OCA2: variants seen among roughly 807,000 people sequenced by gnomAD.
OCA2 encodes the protein OCA2 melanosomal transmembrane protein.
Under a neutral mutation model 100.2 loss-of-function variants are expected in OCA2, and 77 were observed. The ratio of observed to expected loss-of-function variants is 0.77; its 90% CI spans 0.64 to 0.93. OCA2 has a LOEUF of 0.93. Ranked by LOEUF, OCA2 falls within the 40% of genes least tolerant of loss-of-function variation. The probability of loss-of-function intolerance (pLI) is 0.00; values close to 1 mark genes in which losing one functional copy is unlikely to be tolerated. For synonymous variants in OCA2, 432 were observed against 439.2 expected (o/e 0.98, Z 0.21); for missense variants, 1,062 against 1,089.1 (o/e 0.98, Z 0.35).
intron 18 of OCA2, among the ~76,000 whole-genome samples, chr15:27,949,863 C>G (rs1313131899): frequency 6.6e-6 from 1 of 152,102 alleles, no homozygotes; most frequent in Non-Finnish European, 1.5e-5. Context: ...AACTTTTCTC[C>G]TAGTCAACCT....
chr15:27,958,041 G>T (rs1030506441), intron 15 of OCA2, among the ~76,000 whole-genome samples: 4 of 152,176 alleles, frequency 2.6e-5, no homozygotes, highest in Non-Finnish European at 5.9e-5. Flanking sequence ...TCACACACCA[G>T]GGCCTGTTGT....
At chr15:28,025,867 G>A (rs2042733305) in intron 4 of OCA2, among the ~76,000 whole-genome samples, 1 of 152,236 alleles carries the variant, frequency 6.6e-6, no homozygotes, top group African/African-American at 2.4e-5. Context: ...ACTTAGTTAA[G>A]TTGCATCTGT....
At position 28,044,818 on chromosome 15, in the gene OCA2, A is replaced by G. The variant is rs73377719; in HGVS notation, c.228-12655T>C. ...GTAACCTACTTTTTCTGATATTAAT[A>G]TAGACATCCCATTTTTCTTTGGACA... On this transcript the variant is annotated intron_variant, in intron 2 of 23. Coordinates refer to ENST00000354638, the MANE Select transcript of OCA2 (RefSeq NM_000275.3). 1.7e-3 allele frequency among the ~76,000 whole-genome samples: 256 copies of G among 152,324 alleles called. 1 individual carries two copies. Among genetic ancestry groups the G allele is most frequent in the African/African-American group, 5.8e-3 (240 of 41,574 alleles).
chr15:27,726,787 C>A, the OCA2 span, among the ~76,000 whole-genome samples: 5 of 152,336 alleles, frequency 3.3e-5, no homozygotes, highest in Admixed American at 2.0e-4. Flanking sequence ...AAGGTGAATC[C>A]AGCACTTGGC....
At chr15:28,016,259 G>A (rs1214708711) in intron 7 of OCA2, 73 bp from the exon 8 acceptor site, 1 of 1,141,770 alleles carries the variant, frequency 8.8e-7, no homozygotes, top group African/African-American at 1.5e-5. Flanking sequence ...GCACTGCTCG[G>A]TCTAGGTATT....
At chr15:27,725,433 T>C in the OCA2 span, among the ~76,000 whole-genome samples, 1 of 152,114 alleles carries the variant, frequency 6.6e-6, no homozygotes, top group African/African-American at 2.4e-5. Context: ...CTGAGCATGA[T>C]GGTGGGTGCC....
intron 23 of OCA2, among the ~76,000 whole-genome samples, chr15:27,790,130 G>C (rs1206231348): frequency 1.3e-5 from 2 of 150,108 alleles, no homozygotes; most frequent in Non-Finnish European, 2.9e-5. Context: ...GACCTTAACA[G>C]ACAGTTCACC....
At position 27,942,040 on chromosome 15, in the gene OCA2, C is replaced by T. The variant is rs541434720; in HGVS notation, c.1951+9744G>A. 3.3e-5 allele frequency among the ~76,000 whole-genome samples: 5 copies of T among 152,070 alleles called. No homozygotes were observed. The South Asian group carries it at 8.3e-4, about 25-fold the overall frequency. The stretch of plus-strand genomic sequence containing the variant: ...TGGTGAAAGTGTGGAGAAATCAGAA[C>T]GCTCATGCATTACCACCAGGAATGT... On this transcript the variant is annotated intron_variant, in intron 18 of 23. Transcript: ENST00000354638.
Position 27,794,426 on chromosome 15 carries a change from C to G in OCA2, c.2433-38954G>C, listed in dbSNP as rs867922585. 4.6e-5 allele frequency among the ~76,000 whole-genome samples: 7 copies of G among 152,274 alleles called. No homozygotes were observed. The South Asian group carries it at 6.2e-4, about 14-fold the overall frequency. Reference sequence around the variant, plus strand: ...GCAGATTTTTACATGTGGCCTCCCCCACTCTGTCAGGAAACAACTTCAAAT... The same window carrying G: ...GCAGATTTTTACATGTGGCCTCCCCGACTCTGTCAGGAAACAACTTCAAAT... On this transcript the variant is annotated intron_variant, in intron 23 of 23. Transcript: ENST00000354638.
At chr15:28,075,783 TA>T (rs1313621835) in intron 2 of OCA2, among the ~76,000 whole-genome samples, 1 of 152,180 alleles carries the variant, frequency 6.6e-6, no homozygotes, top group African/African-American at 2.4e-5. Flanking sequence ...TTATACAAAG[TA>T]AAAGAACCAA....
Position 28,014,862 on chromosome 15 carries a change from G to A in OCA2, c.958C>T (p.His320Tyr), listed in dbSNP as rs776265113. 4 of 1,614,040 alleles carry A rather than the reference G, an allele frequency of 2.5e-6. No individual in the cohort carries two copies. Among genetic ancestry groups the A allele is most frequent in the African/African-American group, 1.3e-5 (1 of 74,922 alleles). Residue 320 changes from histidine to tyrosine, a missense_variant, in exon 9 of 24, where the codon CAT becomes TAT. Transcript: ENST00000354638. The stretch of plus-strand genomic sequence containing the variant: ...TCTACACTTCCGCGGAGGTACTGAT[G>A]AGCCATCAAAAGAGGGACAGCCTGG... ...QTQAVPLLMA[H>Y]QYLRGSVETQ...
chr15:27,795,419 G>A (rs1487315425), intron 23 of OCA2, among the ~76,000 whole-genome samples: 4 of 151,466 alleles, frequency 2.6e-5, no homozygotes, highest in Non-Finnish European at 5.9e-5. Context: ...TGGCACCGCT[G>A]TTGACCCAGT....
intron 19 of OCA2, among the ~76,000 whole-genome samples, chr15:27,915,583 A>G (rs893124263): frequency 1.3e-5 from 2 of 151,410 alleles, no homozygotes; most frequent in Non-Finnish European, 2.9e-5. Flanking sequence ...AGACATACAC[A>G]TGGCCAACAA....
intron 9 of OCA2, among the ~76,000 whole-genome samples, chr15:27,995,129 G>A (rs1566773214): frequency 6.6e-6 from 1 of 152,148 alleles, no homozygotes; most frequent in Non-Finnish European, 1.5e-5. Context: ...ATGCACAGCA[G>A]TATTAACAGA....
chr15:27,772,491 T>C lies in OCA2; in HGVS notation c.2433-17019A>G, dbSNP rs2031939061. Among the ~76,000 whole-genome samples, 3 of 152,294 alleles carry C rather than the reference T, an allele frequency of 2.0e-5. No individual in the cohort carries two copies. The South Asian group carries it at 6.2e-4, about 32-fold the overall frequency. ...TTGAGATTATCTTCCTGGCTTAATA[T>C]ATGATGAATTTTGTAGCTGTTTTGT... On this transcript the variant is annotated intron_variant, in intron 23 of 23. Transcript: ENST00000354638.
intron 4 of OCA2, among the ~76,000 whole-genome samples, chr15:28,026,399 G>T (rs1309091342): frequency 1.3e-5 from 2 of 152,188 alleles, no homozygotes; most frequent in African/African-American, 4.8e-5. Context: ...GTTGACCCAT[G>T]GCGCCAGAAC....
chr15:27,951,936 T>C, intron 17 of OCA2, 44 bp from the exon 18 acceptor site: 2 of 1,317,944 alleles, frequency 1.5e-6, no homozygotes, highest in Non-Finnish European at 2.2e-6. Flanking sequence ...CACAACCTTC[T>C]GACTCCTGCA....
At chr15:27,738,989 A>C in the OCA2 span, among the ~76,000 whole-genome samples, 1 of 45,016 alleles carries the variant, frequency 2.2e-5, no homozygotes, top group African/African-American at 7.0e-5. Flanking sequence ...TCTGCTCTAC[A>C]GGTGGGACCC....
At chr15:28,027,782 AC>A (rs2042797443) in intron 4 of OCA2, 88 bp downstream of exon 4, 8 of 1,355,852 alleles carry the variant, frequency 5.9e-6, no homozygotes, top group Non-Finnish European at 6.2e-6. Context: ...CCTCTTCTTC[AC>A]GCTGCTGGTT....
Sources: gnomAD v4.1 joint callset for allele counts (sites outside exome capture counted in the v4.1 genomes callset) on GRCh38, gnomAD v4.1.1 for gene constraint, MANE v1.5 for transcripts, NCBI Gene and HGNC (gene_info 2026-07-23, HGNC 2026-07-21) for gene names.